TACC3: variants seen among roughly 807,000 people sequenced by gnomAD.
The protein encoded by TACC3 is transforming acidic coiled-coil containing protein 3.
TACC3 carries 52 observed loss-of-function variants against 86.0 expected under a neutral mutation model. That is an observed-to-expected ratio of 0.60 (90% CI 0.48 to 0.76). The LOEUF (loss-of-function observed/expected upper bound fraction) is 0.76. Among genes scored for constraint, TACC3 ranks in the 30% least tolerant of loss-of-function variants. The pLI, the probability that TACC3 is intolerant of heterozygous loss-of-function variation, is 0.00. For missense variants in TACC3, 1,120 were observed against 1,070.4 expected (o/e 1.05, Z -0.65); for synonymous variants, 512 against 430.0 (o/e 1.19, Z -2.36).
chr4:1,740,234 T>C lies in TACC3; in HGVS notation c.2062+232T>C, dbSNP rs1487540625. 7 of 592,566 alleles carry C rather than the reference T, an allele frequency of 1.2e-5. No homozygotes were observed. The African/African-American group carries it at 1.3e-4, about 11-fold the overall frequency. The allele number at this position is 592,566 out of a possible 1,614,324, so 36.7% of individuals were successfully genotyped here. ...AGCCAGGGCTTGGCAGGCCCCACAG[T>C]TGTGCAGATGCTGAGCTAGCAGTGG... On this transcript the variant is annotated intron_variant, in intron 12 of 15. Coordinates refer to ENST00000313288, the MANE Select transcript of TACC3 (RefSeq NM_006342.3).
chr4:1,723,291 G>A, intron 1 of TACC3, 130 bp from the exon 2 acceptor site: 1 of 884,978 alleles, frequency 1.1e-6, no homozygotes. Context: ...TGTGGGAGGT[G>A]TGAGTTCCAG....
chr4:1,732,041 A>G (rs1203186821), intron 6 of TACC3, among the ~76,000 whole-genome samples: 6 of 149,554 alleles, frequency 4.0e-5, no homozygotes, highest in East Asian at 4.1e-4. Context: ...CGGTTTGTCC[A>G]TAAGATTGGA....
chr4:1,720,789 C>T, upstream of TACC3: 2 of 1,595,290 alleles, frequency 1.3e-6, no homozygotes, highest in South Asian at 2.3e-5. This position sits in a 1 kb window ranked among gnomAD's most constrained non-coding sequence, Gnocchi z 4.4. Context: ...ACGAAGCACA[C>T]GGCGAACACC....
chr4:1,727,900 C>T lies in TACC3; in HGVS notation c.498C>T (p.Asn166=). 6.2e-7 allele frequency: 1 copy of T among 1,613,924 alleles called. No individual in the cohort carries two copies. Among genetic ancestry groups the T allele is most frequent in the South Asian group, 1.1e-5 (1 of 91,084 alleles). ...CCCAGAGCCCAGGAAGTTCTGAGAA[C>T]CAAATGGTGTCTCCAGGAAAAGTGT... ...SSSQSPGSSE[N]QMVSPGKVSG... is the part of the protein sequence containing the mutation. Residue 166 remains asparagine, a synonymous_variant, in exon 4 of 16, where the codon AAC becomes AAT. Transcript: ENST00000313288.
intron 2 of TACC3, 53 bp from the exon 3 acceptor site, chr4:1,723,675 G>A: frequency 6.2e-7 from 1 of 1,612,746 alleles, no homozygotes; most frequent in Non-Finnish European, 8.5e-7. Flanking sequence ...TGCTGGTGTG[G>A]CTGTAACAGC....
intron 13 of TACC3, among the ~76,000 whole-genome samples, chr4:1,743,557 A>AC (rs1560329097): frequency 1.4e-4 from 3 of 21,544 alleles, no homozygotes; most frequent in Non-Finnish European, 5.5e-4. Flanking sequence ...CGTCTAAAAA[A>AC]AAAAAACAGA....
At chr4:1,739,592 TG>T in intron 10 of TACC3, 109 bp from the exon 11 acceptor site, 1 of 1,020,832 alleles carries the variant, frequency 9.8e-7, no homozygotes, top group Non-Finnish European at 1.5e-6. Flanking sequence ...ACTGTGCCTC[TG>T]GGACATTGCT....
chr4:1,738,910 G>A (rs1718420869), intron 10 of TACC3, among the ~76,000 whole-genome samples: 1 of 152,172 alleles, frequency 6.6e-6, no homozygotes. Context: ...TGGAGCAGGT[G>A]ACCAGGGAAC....
Position 1,728,633 on chromosome 4 carries a change from G to T in TACC3, c.1231G>T (p.Asp411Tyr), listed in dbSNP as rs780833702. The change falls in exon 4 of 16, where the codon GAT (aspartate) becomes TAT (tyrosine). Residue 411 changes from aspartate to tyrosine, a missense_variant. Physicochemically the swap from Asp to Tyr is radical, Grantham distance 160. Transcript: ENST00000313288. Reference sequence around the variant, plus strand: ...TTACCACCTCGACTGGGACAAAATGGATGACCCAAACTTCATCCCGTTCGG... The same window carrying T: ...TTACCACCTCGACTGGGACAAAATGTATGACCCAAACTTCATCCCGTTCGG... ...GSYHLDWDKM[D>Y]DPNFIPFGGD... The T allele has an allele frequency of 1.2e-6, 2 of 1,613,902 alleles. No individual in the cohort carries two copies. Among genetic ancestry groups the T allele is most frequent in the South Asian group, 1.1e-5 (1 of 91,080 alleles).
chr4:1,744,678 C>G, intron 14 of TACC3, 34 bp from the exon 15 acceptor site: 2 of 1,612,174 alleles, frequency 1.2e-6, no homozygotes, highest in Non-Finnish European at 8.5e-7. Flanking sequence ...ACCTGGGCCC[C>G]AGCTCAGCCT....
chr4:1,722,091 C>T (rs1717411764), intron 1 of TACC3, among the ~76,000 whole-genome samples: 1 of 152,188 alleles, frequency 6.6e-6, no homozygotes, highest in Non-Finnish European at 1.5e-5. Flanking sequence ...CTTCCCCGCA[C>T]CTGCTGCGCC....
At chr4:1,724,160 G>A (rs1056831093) in intron 3 of TACC3, among the ~76,000 whole-genome samples, 1 of 151,032 alleles carries the variant, frequency 6.6e-6, no homozygotes, top group East Asian at 2.0e-4. Flanking sequence ...TAGTAAAGAA[G>A]GGGTTTCACC....
chr4:1,721,342 C>T (rs1425468168), upstream of TACC3: 1 of 145,334 alleles, frequency 6.9e-6, no homozygotes, highest in Non-Finnish European at 1.5e-5. Flanking sequence ...GTGCCCTCCA[C>T]TCCGGAAACG....
At chr4:1,731,854 C>G (rs1190628541) in intron 6 of TACC3, among the ~76,000 whole-genome samples, 1 of 152,210 alleles carries the variant, frequency 6.6e-6, no homozygotes, top group African/African-American at 2.4e-5. Flanking sequence ...AGGCTGGTCT[C>G]AAACTCTGAC....
At chr4:1,739,466 C>G (rs1044292775) in intron 10 of TACC3, 46 of 575,438 alleles carry the variant, frequency 8.0e-5, no homozygotes, top group Non-Finnish European at 1.2e-4. Context: ...CTGGTTCCAC[C>G]CAGGAGCACA....
At chr4:1,732,236 T>G (rs1242370912) in intron 6 of TACC3, among the ~76,000 whole-genome samples, 1 of 150,932 alleles carries the variant, frequency 6.6e-6, no homozygotes, top group African/African-American at 2.4e-5. Flanking sequence ...TCCGTAAGAT[T>G]GGAGGCTGCA....
chr4:1,731,885 C>T (rs1172487186), intron 6 of TACC3, among the ~76,000 whole-genome samples: 5 of 152,250 alleles, frequency 3.3e-5, no homozygotes, highest in East Asian at 1.9e-4. Flanking sequence ...CCACCTGCCT[C>T]GGCCTCCCAA....
At position 1,737,571 on chromosome 4, in the gene TACC3, T is replaced by A. The variant is rs200948063; in HGVS notation, c.1837-27T>A. 7.0e-3 allele frequency: 10,305 copies of A among 1,471,000 alleles called. 50 individuals are homozygous for A. Among genetic ancestry groups the A allele is most frequent in the Non-Finnish European group, 8.7e-3 (9,533 of 1,099,398 alleles). 91.1% of individuals were successfully genotyped at this position (1,471,000 alleles called of 1,614,324 possible). A position where few individuals can be genotyped will look rare whatever the true frequency, so the allele number is the denominator to read the frequency against. ...AGGTAAGAGGCAAGGGCGAAATGGG[T>A]TCCTGTTTCATCCCCATCTCCCGCA... On this transcript the variant is annotated intron_variant, in intron 9 of 15. Transcript: ENST00000313288.
At chr4:1,733,736 G>C (rs1195744776) in intron 6 of TACC3, among the ~76,000 whole-genome samples, 1 of 152,204 alleles carries the variant, frequency 6.6e-6, no homozygotes, top group Non-Finnish European at 1.5e-5. Context: ...CTAGCACTTT[G>C]GGAGGCTGAG....
Sources: gnomAD v4.1 joint callset for allele counts (sites outside exome capture counted in the v4.1 genomes callset) on GRCh38, gnomAD v4.1.1 for gene constraint, Gnocchi (gnomAD v3.1) non-coding constraint, MANE v1.5 for transcripts, NCBI Gene and HGNC (gene_info 2026-07-23, HGNC 2026-07-21) for gene names.